RAP1B: variants seen among roughly 807,000 people sequenced by gnomAD.
RAP1B encodes the protein ras-related protein Rap-1b.
Under a neutral mutation model 27.5 loss-of-function variants are expected in RAP1B, and 1 was observed. The ratio of observed to expected loss-of-function variants is 0.04; its 90% CI spans 0.01 to 0.17. The LOEUF (loss-of-function observed/expected upper bound fraction) is 0.17, where lower values mean the gene tolerates loss of function less well. Ranked by LOEUF, RAP1B falls within the 10% of genes least tolerant of loss-of-function variation. The pLI is 1.00. For synonymous variants in RAP1B, 75 were observed against 73.1 expected (o/e 1.03, Z -0.13); for missense variants, 84 against 214.8 (o/e 0.39, Z 3.81).
intron 1 of RAP1B, among the ~76,000 whole-genome samples, chr12:68,632,050 GTTT>G (rs11322867): frequency 7.0e-6 from 1 of 143,522 alleles, no homozygotes; most frequent in South Asian, 2.2e-4. Context: ...TTTACTGCAG[GTTT>G]TTTTTTTCTT....
intron 5 of RAP1B, among the ~76,000 whole-genome samples, chr12:68,655,620 C>T (rs552116732): frequency 1.3e-5 from 2 of 150,070 alleles, no homozygotes; most frequent in South Asian, 2.1e-4. Context: ...ACTGCAACCT[C>T]TGCCTCCCAA....
Position 68,640,323 on chromosome 12 carries a change from T to TC in RAP1B, c.-26-8375dup, listed in dbSNP as rs1054003437. On this transcript the variant is annotated intron_variant, in intron 1 of 7. Transcript: ENST00000250559. Reference sequence around the variant, plus strand: ...CATCCATTCTTATCTCTTTTTTTTTTCTCCATACTGCTTATCACAGCTGAC... The same window carrying TC: ...CATCCATTCTTATCTCTTTTTTTTTTCCTCCATACTGCTTATCACAGCTGAC... Among the ~76,000 whole-genome samples the TC allele has an allele frequency of 2.0e-5, 3 of 152,122 alleles. No homozygotes were observed. In the East Asian group the frequency reaches 5.8e-4, roughly 29 times the overall value.
chr12:68,652,336 C>T (rs1873872285), intron 4 of RAP1B, among the ~76,000 whole-genome samples: 2 of 151,962 alleles, frequency 1.3e-5, no homozygotes, highest in African/African-American at 2.4e-5. Flanking sequence ...ATCCCAGCTA[C>T]TCAGGAGGCT....
intron 1 of RAP1B, among the ~76,000 whole-genome samples, chr12:68,632,507 CAT>C (rs1565663150): frequency 6.6e-6 from 1 of 152,018 alleles, no homozygotes; most frequent in African/African-American, 2.4e-5. Context: ...AGATTATACT[CAT>C]ATGTAGAAAT....
rs1046467855 is a variant in RAP1B, at chr12:68,664,245, A to C, written c.*4996A>C. On this transcript the variant is annotated 3_prime_UTR_variant, in exon 8 of 8. Transcript: ENST00000250559. ...AAATAGGCAGAGATCAAAAGCCTCT[A>C]ATGTTTTTGTCATCCGCCATTATTA... 1.3e-5 allele frequency: 2 copies of C among 152,204 alleles called. No homozygotes were observed. The highest frequency in any genetic ancestry group is 2.4e-5 in the African/African-American group (1 of 41,456). The allele number at this position is 152,204 out of a possible 1,614,324, so 9.4% of individuals were successfully genotyped here.
Position 68,650,400 on chromosome 12 carries a change from A to G in RAP1B, c.58A>G (p.Thr20Ala). 6.5e-7 allele frequency: 1 copy of G among 1,547,608 alleles called. No homozygotes were observed. The highest frequency in any genetic ancestry group is 8.7e-7 in the Non-Finnish European group (1 of 1,146,378). Residue 20 changes from threonine (T) to alanine (A), a missense_variant and splice_region_variant, in exon 3 of 8, where the codon ACT (threonine) becomes GCT (alanine). Physicochemically the swap from Thr to Ala is moderately conservative, Grantham distance 58. Coordinates refer to ENST00000250559, the MANE Select transcript of RAP1B (RefSeq NM_001010942.3). ...AATGGTTTCTTAATTTTTTTTTCAG[A>G]CTGTACAATTTGTTCAAGGAATTTT... ...GSGGVGKSAL[T>A]VQFVQGIFVE...
At chr12:68,632,200 C>T (rs1440602910) in intron 1 of RAP1B, among the ~76,000 whole-genome samples, 12 of 146,698 alleles carry the variant, frequency 8.2e-5, no homozygotes, top group South Asian at 4.3e-4. Context: ...AATGCAGCCA[C>T]GGTCTCAGCT....
In RAP1B at chr12:68,661,290, CT is replaced by C. The variant is rs1592476091; in HGVS notation, c.*2043del. ...CTGGGACTGTGAAACACTAAAATTA[CT>C]TCAATTTACTATGTCCTGTTACATC... On this transcript the variant is annotated 3_prime_UTR_variant, in exon 8 of 8. Coordinates refer to ENST00000250559, the MANE Select transcript of RAP1B (RefSeq NM_001010942.3). The C allele has an allele frequency of 4.6e-5, 7 of 152,242 alleles. No homozygotes were observed. In the East Asian group the frequency reaches 1.2e-3, roughly 25 times the overall value. The allele number at this position is 152,242 out of a possible 1,614,324, so 9.4% of individuals were successfully genotyped here.
At chr12:68,656,285 C>T (rs936273575) in intron 5 of RAP1B, 21 bp from the exon 6 acceptor site, 24 of 1,573,076 alleles carry the variant, frequency 1.5e-5, no homozygotes, top group Non-Finnish European at 2.1e-5. Flanking sequence ...TTTATTTTTA[C>T]TCTCACAAAT....
chr12:68,639,746 C>T (rs1469970026), intron 1 of RAP1B, among the ~76,000 whole-genome samples: 1 of 152,168 alleles, frequency 6.6e-6, no homozygotes, highest in Non-Finnish European at 1.5e-5. Flanking sequence ...CCAGAAATCC[C>T]ATTTATGCCC....
chr12:68,648,581 T>C, intron 1 of RAP1B, 118 bp from the exon 2 acceptor site: 1 of 806,488 alleles, frequency 1.2e-6, no homozygotes, highest in Non-Finnish European at 1.9e-6. Flanking sequence ...TGCTCCATAC[T>C]AGGGTTGTAT....
In RAP1B at chr12:68,665,135, A is replaced by G. The variant is rs952793374; in HGVS notation, c.*5886A>G. On this transcript the variant is annotated 3_prime_UTR_variant, in exon 8 of 8. Transcript: ENST00000250559. Reference sequence around the variant, plus strand: ...GGAGACCCTGTCACTTGACAAAAGTATCTTTCCCTACTGGAAATGGAATAG... The same window carrying G: ...GGAGACCCTGTCACTTGACAAAAGTGTCTTTCCCTACTGGAAATGGAATAG... 6.6e-6 allele frequency: 1 copy of G among 152,254 alleles called. No individual in the cohort carries two copies. Among genetic ancestry groups the G allele is most frequent in the African/African-American group, 2.4e-5 (1 of 41,454 alleles). The allele number at this position is 152,254 out of a possible 1,614,324, so 9.4% of individuals were successfully genotyped here.
rs1017395053 is a variant in RAP1B at position 68,664,198 on chromosome 12, C to T, written c.*4949C>T. 3.9e-5 allele frequency: 6 copies of T among 152,146 alleles called. No individual in the cohort carries two copies. The highest frequency in any genetic ancestry group is 1.4e-4 in the African/African-American group (6 of 41,428). 9.4% of individuals were successfully genotyped at this position (152,146 alleles called of 1,614,324 possible). On this transcript the variant is annotated 3_prime_UTR_variant, in exon 8 of 8. Transcript: ENST00000250559. ...GGATTTTTATGTAATAATATATTCACTTCAGTCAGGTTTCAGTTTTTAAAT... is the reference window on the plus strand; with the variant it reads ...GGATTTTTATGTAATAATATATTCATTTCAGTCAGGTTTCAGTTTTTAAAT...
intron 1 of RAP1B, among the ~76,000 whole-genome samples, chr12:68,638,799 T>G (rs1274765705): frequency 6.6e-6 from 1 of 152,052 alleles, no homozygotes; most frequent in Non-Finnish European, 1.5e-5. Flanking sequence ...CACCTGGGAT[T>G]ACAGGCATGC....
In RAP1B at chr12:68,669,820, G is replaced by T. The variant is rs1490669218; in HGVS notation, c.*10571G>T. 6.6e-6 allele frequency: 1 copy of T among 150,926 alleles called. No homozygotes were observed. The highest frequency in any genetic ancestry group is 1.5e-5 in the Non-Finnish European group (1 of 67,900). 9.3% of individuals were successfully genotyped at this position (150,926 alleles called of 1,614,324 possible). Reference sequence around the variant, plus strand: ...ATCTCAAGAAAAAGAAAAAAGAAAAGAAATTAAGCAAAATGATCTTAAAGT... The same window carrying T: ...ATCTCAAGAAAAAGAAAAAAGAAAATAAATTAAGCAAAATGATCTTAAAGT... On this transcript the variant is annotated 3_prime_UTR_variant, in exon 8 of 8. Transcript: ENST00000250559.
At chr12:68,641,120 C>T (rs1177986570) in intron 1 of RAP1B, 1 of 152,240 alleles carries the variant, frequency 6.6e-6, no homozygotes, top group Non-Finnish European at 1.5e-5. Flanking sequence ...GAGTGATGCT[C>T]CCACCTCAGC....
rs149025797 is a variant in RAP1B, at chr12:68,614,409, G to A, written c.-27+3366G>A. Among the ~76,000 whole-genome samples, 172 of 152,314 alleles carry A rather than the reference G, an allele frequency of 1.1e-3. 2 individuals are homozygous for A. The highest frequency in any genetic ancestry group is 3.8e-3 in the African/African-American group (158 of 41,580). ...GTATGTTTGTGTTGCTAAAGAGGAGGTTGGGTATTGATCTGCAGTTTCTAG... is the reference window on the plus strand; with the variant it reads ...GTATGTTTGTGTTGCTAAAGAGGAGATTGGGTATTGATCTGCAGTTTCTAG... On this transcript the variant is annotated intron_variant, in intron 1 of 7. Transcript: ENST00000250559.
chr12:68,635,981 C>T (rs189136688), intron 1 of RAP1B, among the ~76,000 whole-genome samples: 17 of 152,078 alleles, frequency 1.1e-4, no homozygotes, highest in African/African-American at 2.9e-4. Context: ...TGGATTCAAG[C>T]GATTCTCCTG....
At chr12:68,630,336 G>A (rs1010274915) in intron 1 of RAP1B, among the ~76,000 whole-genome samples, 1 of 152,112 alleles carries the variant, frequency 6.6e-6, no homozygotes, top group African/African-American at 2.4e-5. Context: ...GCCAGCTGTG[G>A]ACAAGACACA....
Sources: allele counts gnomAD v4.1 joint callset (sites outside exome capture counted in the v4.1 genomes callset), GRCh38; gene constraint gnomAD v4.1.1; transcripts MANE v1.5; gene names NCBI Gene and HGNC (gene_info 2026-07-23, HGNC 2026-07-21).